WDR72: variants seen among roughly 807,000 people sequenced by gnomAD.
WDR72 encodes WD repeat-containing protein 72.
Under a neutral mutation model 124.2 loss-of-function variants are expected in WDR72, and 120 were observed. The ratio of observed to expected loss-of-function variants is 0.97; its 90% CI spans 0.83 to 1.12. The LOEUF is 1.12. Among genes scored for constraint, WDR72 ranks in the 50% most tolerant of loss-of-function variants. WDR72 has a pLI of 0.00. For missense variants in WDR72, 1,387 were observed against 1,278.8 expected (o/e 1.08, Z -1.29); for synonymous variants, 452 against 441.7 (o/e 1.02, Z -0.29).
At chr15:53,729,667 T>C (rs539377623) in intron 2 of WDR72, among the ~76,000 whole-genome samples, 3 of 152,246 alleles carry the variant, frequency 2.0e-5, no homozygotes, top group South Asian at 4.1e-4. Context: ...ACACTTGTCA[T>C]TGCCTGTGTT....
upstream of WDR72, chr15:53,759,718 T>TCGCAC (rs2019020703): frequency 9.6e-6 from 1 of 104,082 alleles, no homozygotes; most frequent in Non-Finnish European, 1.9e-5. Flanking sequence ...CCCGCCCGCC[T>TCGCAC]CGCCCCGCCC....
intron 11 of WDR72, 139 bp downstream of exon 11, chr15:53,704,849 A>G: frequency 1.1e-6 from 1 of 897,226 alleles, no homozygotes; most frequent in Non-Finnish European, 1.6e-6. Context: ...TGTATGTTTT[A>G]CTTTAACATT....
chr15:53,716,026 G>A (rs1023011866), intron 4 of WDR72, among the ~76,000 whole-genome samples: 6 of 152,120 alleles, frequency 3.9e-5, no homozygotes, highest in East Asian at 1.9e-4. Flanking sequence ...AAAAATAGAA[G>A]AGAGTTCATG....
At chr15:53,701,758 G>A (rs2017187237) in intron 12 of WDR72, among the ~76,000 whole-genome samples, 1 of 151,944 alleles carries the variant, frequency 6.6e-6, no homozygotes, top group African/African-American at 2.4e-5. Flanking sequence ...TTCCTATATT[G>A]TTTGACTTGT....
rs2012162865 is a variant in WDR72 at position 53,585,589 on chromosome 15, C to T, written c.3148+11490G>A. Among the ~76,000 whole-genome samples, 3 of 152,072 alleles carry T rather than the reference C, an allele frequency of 2.0e-5. 1 individual carries two copies. On this transcript the variant is annotated intron_variant, in intron 18 of 19. Transcript: ENST00000360509. ...CCTTTTCTCCTGTTAATTTGTCTAC[C>T]GTCTGTCTATTTCAGCAGACTCACT... is the stretch of plus-strand genomic sequence containing the variant.
At chr15:53,738,654 T>C (rs1331509867) in intron 1 of WDR72, among the ~76,000 whole-genome samples, 1 of 152,324 alleles carries the variant, frequency 6.6e-6, no homozygotes, top group South Asian at 2.1e-4. Flanking sequence ...TGAAGTGCAA[T>C]GGCGTGATCT....
At chr15:53,750,727 GAGA>G (rs2018754020) in intron 1 of WDR72, among the ~76,000 whole-genome samples, 1 of 152,186 alleles carries the variant, frequency 6.6e-6, no homozygotes, top group Non-Finnish European at 1.5e-5. Flanking sequence ...AACGGGAGTT[GAGA>G]AGAAGTTGAT....
intron 18 of WDR72, among the ~76,000 whole-genome samples, chr15:53,560,358 T>C (rs1894084193): frequency 6.6e-6 from 1 of 151,868 alleles, no homozygotes; most frequent in Non-Finnish European, 1.5e-5. Context: ...CAAAACAAGT[T>C]CACTATAAAG....
At chr15:53,711,095 G>C (rs2017522839) in intron 8 of WDR72, 142 bp from the exon 9 acceptor site, 1 of 899,918 alleles carries the variant, frequency 1.1e-6, no homozygotes, top group East Asian at 2.6e-5. Flanking sequence ...ATAATTACAA[G>C]TGACTTTTTG....
At chr15:53,602,798 C>G (rs897730326) in intron 17 of WDR72, among the ~76,000 whole-genome samples, 1 of 151,908 alleles carries the variant, frequency 6.6e-6, no homozygotes, top group African/African-American at 2.4e-5. Context: ...AAACTGAATC[C>G]CTGAACAGAC....
At chr15:53,732,213 C>T (rs1032842399) in intron 2 of WDR72, among the ~76,000 whole-genome samples, 7 of 152,078 alleles carry the variant, frequency 4.6e-5, no homozygotes, top group Admixed American at 3.9e-4. Context: ...ATTAATTACA[C>T]TATAAAATAG....
Position 53,514,329 on chromosome 15 carries a change from ACT to A in WDR72, c.*3368_*3369del, listed in dbSNP as rs1315322280. On this transcript the variant is annotated 3_prime_UTR_variant, in exon 20 of 20. Transcript: ENST00000360509. ...AAAATTTAAAAAATTGAATGAGTCC[ACT>A]CTGTGAAAATAAGGCTTTAAAATCA... The A allele has an allele frequency of 2.6e-5, 4 of 152,146 alleles. No homozygotes were observed. The highest frequency in any genetic ancestry group is 6.6e-5 in the Admixed American group (1 of 15,264). 9.4% of individuals were successfully genotyped at this position (152,146 alleles called of 1,614,324 possible).
chr15:53,520,958 T>TTAA (rs1422485640), intron 19 of WDR72, among the ~76,000 whole-genome samples: 1 of 152,082 alleles, frequency 6.6e-6, no homozygotes, highest in Non-Finnish European at 1.5e-5. Context: ...CAGAAGTGTC[T>TTAA]TAATTTCTTA....
intron 18 of WDR72, among the ~76,000 whole-genome samples, chr15:53,573,827 T>C (rs1273837423): frequency 6.6e-6 from 1 of 152,266 alleles, no homozygotes; most frequent in East Asian, 1.9e-4. Context: ...ATTACAGGCG[T>C]GAGCCACGGC....
At chr15:53,619,087 A>C (rs928656536) in intron 14 of WDR72, among the ~76,000 whole-genome samples, 2 of 152,024 alleles carry the variant, frequency 1.3e-5, no homozygotes, top group South Asian at 2.1e-4. Flanking sequence ...TTCTAAAAAA[A>C]CAAAATGGTC....
intron 13 of WDR72, among the ~76,000 whole-genome samples, chr15:53,680,181 A>T (rs1050016627): frequency 6.6e-6 from 1 of 152,182 alleles, no homozygotes; most frequent in Non-Finnish European, 1.5e-5. Flanking sequence ...TAGAATGCTC[A>T]GTTTCCTGCA....
At chr15:53,731,735 T>C (rs1165438293) in intron 2 of WDR72, among the ~76,000 whole-genome samples, 2 of 152,064 alleles carry the variant, frequency 1.3e-5, no homozygotes, top group African/African-American at 4.8e-5. Context: ...TTTTCTGTAC[T>C]GCACTGTAAC....
intron 13 of WDR72, among the ~76,000 whole-genome samples, chr15:53,668,974 G>GAGGAGGAGA (rs2015885666): frequency 8.9e-5 from 10 of 112,896 alleles, no homozygotes; most frequent in Middle Eastern, 4.7e-3. Flanking sequence ...GGAGGAGGAG[G>GAGGAGGAGA]AGGAGAAGGA....
chr15:53,655,490 TA>T (rs58863321), intron 14 of WDR72, among the ~76,000 whole-genome samples: 7,691 of 152,158 alleles, frequency 0.051, 658 homozygotes, highest in African/African-American at 0.18. Flanking sequence ...AAAGGACCCA[TA>T]CTATTCTTTC....
Sources: gnomAD v4.1 joint callset for allele counts (sites outside exome capture counted in the v4.1 genomes callset) on GRCh38, gnomAD v4.1.1 for gene constraint, MANE v1.5 for transcripts, NCBI Gene and HGNC (gene_info 2026-07-23, HGNC 2026-07-21) for gene names.